The following MIER3 variants were observed in gnomAD, a reference collection of about 807,000 sequenced individuals.
The protein encoded by MIER3 is MIER family member 3, also known as mesoderm induction early response protein 3.
MIER3 carries 9 observed loss-of-function variants against 63.2 expected under a neutral mutation model. The ratio of observed to expected loss-of-function variants is 0.14; its 90% CI spans 0.09 to 0.25. The LOEUF is 0.25. Ranked by LOEUF, MIER3 falls within the 10% of genes least tolerant of loss-of-function variation. The pLI, the probability that MIER3 is intolerant of heterozygous loss-of-function variation, is 1.00. For synonymous variants in MIER3, 205 were observed against 224.9 expected (o/e 0.91, Z 0.79); for missense variants, 512 against 666.2 (o/e 0.77, Z 2.55).
At position 56,923,832 on chromosome 5, in the gene MIER3, C is replaced by T; in HGVS notation, c.1054G>A (p.Asp352Asn). 1 of 1,614,074 alleles carries T rather than the reference C, an allele frequency of 6.2e-7. No individual in the cohort carries two copies. The highest frequency in any genetic ancestry group is 8.5e-7 in the Non-Finnish European group (1 of 1,179,990). ...TCATCTACTAAACGATCCATATAGT[C>T]CCTGAAAAACACACCCCAGTAATTT... The part of the protein sequence containing the change: ...KRYNHHPGVT[D>N]YMDRLVDETE... Residue 352 changes from aspartate to asparagine, a missense_variant and splice_region_variant, in exon 12 of 13, where the codon GAC becomes AAC. This residue lies in a region of MIER3 where 218 missense variants were observed against 251.2 expected (regional missense o/e 0.87). Transcript: ENST00000381199.
In MIER3 at chr5:56,922,803, TGA is replaced by T. The variant is rs1174862545; in HGVS notation, c.*323_*324del. The T allele has an allele frequency of 3.7e-6, 1 of 269,468 alleles. No individual in the cohort carries two copies. The highest frequency in any genetic ancestry group is 7.2e-6 in the Non-Finnish European group (1 of 139,228). 16.7% of individuals were successfully genotyped at this position (269,468 alleles called of 1,614,324 possible). ...TGTCTACAGGTTTTAAAATTGGGAG[TGA>T]GGGCAGTGGGGAACACAAAAGAATA... On this transcript the variant is annotated 3_prime_UTR_variant, in exon 13 of 13. Transcript: ENST00000381199.
chr5:56,951,643 A>G (rs1037819712), intron 1 of MIER3, among the ~76,000 whole-genome samples: 9 of 152,038 alleles, frequency 5.9e-5, no homozygotes, highest in African/African-American at 1.9e-4. Context: ...GGCACAGCGC[A>G]CGACTCCCGC....
At chr5:56,947,778 T>A (rs913365732) in intron 2 of MIER3, among the ~76,000 whole-genome samples, 1 of 152,206 alleles carries the variant, frequency 6.6e-6, no homozygotes, top group East Asian at 1.9e-4. Flanking sequence ...CATCTGAAGG[T>A]TTTGGAAGAT....
At chr5:56,927,677 T>TA (rs1561232784) in intron 10 of MIER3, among the ~76,000 whole-genome samples, 2 of 152,094 alleles carry the variant, frequency 1.3e-5, no homozygotes, top group Non-Finnish European at 1.5e-5. Flanking sequence ...ATTGGAGTAG[T>TA]GTATCTGTTA....
chr5:56,946,497 A>T (rs1298689055), intron 3 of MIER3, among the ~76,000 whole-genome samples: 1 of 152,160 alleles, frequency 6.6e-6, no homozygotes, highest in Non-Finnish European at 1.5e-5. Flanking sequence ...AATCTTTTTC[A>T]ATTTTCTTAA....
intron 10 of MIER3, chr5:56,925,350 G>A (rs576717850): frequency 1.5e-4 from 70 of 454,312 alleles, no homozygotes; most frequent in Admixed American, 1.1e-3. Flanking sequence ...GACTGTCTAC[G>A]TAGAAAACTC....
chr5:56,945,939 GTTTC>G (rs1442299985), intron 3 of MIER3, among the ~76,000 whole-genome samples: 4 of 151,956 alleles, frequency 2.6e-5, no homozygotes, highest in African/African-American at 9.7e-5. Flanking sequence ...TGTCTCTACT[GTTTC>G]TTTTATTCAT....
In MIER3 at chr5:56,937,603, A is replaced by C. The variant is rs769973361; in HGVS notation, c.411T>G (p.Ser137=). 21 of 1,611,444 alleles carry C rather than the reference A, an allele frequency of 1.3e-5. No individual in the cohort carries two copies. The East Asian group carries it at 2.2e-4, about 17-fold the overall frequency. ...ATCGTAAAGGCCTAGGGAAGAAATC[A>C]GAAGTTTCATGGGAAGTCACAGATG... ...LTPSVTSHET[S]DFFPRPLRSN... is the part of the protein sequence containing the mutation. The change falls in exon 5 of 13, where the codon TCT becomes TCG. Residue 137 remains serine (S), a synonymous_variant. Coordinates refer to ENST00000381199, the MANE Select transcript of MIER3 (RefSeq NM_001297599.2).
chr5:56,952,035 C>T, intron 1 of MIER3, 59 bp downstream of exon 1: 1 of 1,249,090 alleles, frequency 8.0e-7, no homozygotes, highest in Non-Finnish European at 1.0e-6. Flanking sequence ...TCGGGGGTCG[C>T]GGGGAGCCGC....
In MIER3 at chr5:56,922,138, C is replaced by T. The variant is rs1441167279; in HGVS notation, c.*990G>A. The T allele has an allele frequency of 6.6e-6, 1 of 152,630 alleles. No homozygotes were observed. The highest frequency in any genetic ancestry group is 1.5e-5 in the Non-Finnish European group (1 of 68,034). 9.5% of individuals were successfully genotyped at this position (152,630 alleles called of 1,614,324 possible). On this transcript the variant is annotated 3_prime_UTR_variant, in exon 13 of 13. Transcript: ENST00000381199. ...CTAGAAGTCCCTCTAAATATTAACA[C>T]TTTGAACTGCAGTGCTACAAACAAC...
intron 10 of MIER3, among the ~76,000 whole-genome samples, chr5:56,924,253 GT>G (rs35795629): frequency 2.3e-4 from 35 of 149,440 alleles, no homozygotes; most frequent in African/African-American, 7.6e-4. Context: ...AAAGCCCAAG[GT>G]TTTTTTTTTA....
At chr5:56,927,326 TAAC>T (rs1456410311) in intron 10 of MIER3, among the ~76,000 whole-genome samples, 2 of 152,112 alleles carry the variant, frequency 1.3e-5, no homozygotes, top group Non-Finnish European at 2.9e-5. Flanking sequence ...GATATAATAA[TAAC>T]TATAGGAGTG....
chr5:56,937,766 T>C (rs1750500749), intron 4 of MIER3, 68 bp from the exon 5 acceptor site: 1 of 1,380,666 alleles, frequency 7.2e-7, no homozygotes. Flanking sequence ...AAAACTATCT[T>C]TTTATAACAT....
intron 10 of MIER3, among the ~76,000 whole-genome samples, chr5:56,927,009 A>C (rs1750018815): frequency 6.6e-6 from 1 of 152,202 alleles, no homozygotes; most frequent in Non-Finnish European, 1.5e-5. Context: ...ATACTGTATA[A>C]TTCCAACTAT....
chr5:56,950,678 G>A (rs1381137771), intron 1 of MIER3, 26 bp from the exon 2 acceptor site: 3 of 1,612,672 alleles, frequency 1.9e-6, no homozygotes, highest in African/African-American at 2.7e-5. Flanking sequence ...GAAAACGTGA[G>A]GTTAGATCGC....
At chr5:56,928,601 G>A in intron 10 of MIER3, 166 bp downstream of exon 10, 1 of 502,668 alleles carries the variant, frequency 2.0e-6, no homozygotes, top group Non-Finnish European at 3.6e-6. Flanking sequence ...CATTCCATAA[G>A]CAGGCTGTGG....
intron 2 of MIER3, among the ~76,000 whole-genome samples, chr5:56,948,068 C>T (rs931242573): frequency 6.6e-6 from 1 of 152,198 alleles, no homozygotes; most frequent in African/African-American, 2.4e-5. Flanking sequence ...TGGAAGCATA[C>T]TCAACATAAA....
At chr5:56,929,781 T>C (rs1033794973) in intron 9 of MIER3, among the ~76,000 whole-genome samples, 3 of 152,184 alleles carry the variant, frequency 2.0e-5, no homozygotes, top group African/African-American at 7.2e-5. Context: ...GGCAGAGACC[T>C]GGAAGGTCTT....
intron 5 of MIER3, among the ~76,000 whole-genome samples, chr5:56,936,165 C>A (rs1422739600): frequency 1.2e-4 from 18 of 151,858 alleles, no homozygotes; most frequent in Admixed American, 1.2e-3. Flanking sequence ...GGCAGTAAGC[C>A]AAGATCACGC....
Sources: gnomAD v4.1 joint callset for allele counts (sites outside exome capture counted in the v4.1 genomes callset) on GRCh38, gnomAD v4.1.1 for gene constraint, gnomAD v4.1.1 regional missense constraint, MANE v1.5 for transcripts, NCBI Gene and HGNC (gene_info 2026-07-23, HGNC 2026-07-21) for gene names.